The following CD300A variants were observed in gnomAD, a reference collection of about 807,000 sequenced individuals.
CD300A encodes the protein CD300a molecule.
Under a neutral mutation model 33.6 loss-of-function variants are expected in CD300A, and 22 were observed. The ratio of observed to expected loss-of-function variants is 0.66; its 90% CI spans 0.47 to 0.94. The LOEUF (loss-of-function observed/expected upper bound fraction) is 0.94, where lower values mean the gene tolerates loss of function less well. Ranked by LOEUF, CD300A falls within the 40% of genes least tolerant of loss-of-function variation. The pLI is 0.00. For synonymous variants in CD300A, 136 were observed against 148.1 expected, an observed-to-expected ratio of 0.92 and a Z score of 0.59; for missense variants, 326 against 360.5, an observed-to-expected ratio of 0.90 and a Z score of 0.77.
rs575235497 is a variant in CD300A, at chr17:74,480,689, G to A, written c.629-600G>A. ...CCTGGAAACATTTGTGTGAGATCCC[G>A]TGTTGAGAGCTTGTTTTGGTCCCTC... is the stretch of plus-strand genomic sequence containing the variant. On this transcript the variant is annotated intron_variant, in intron 4 of 6. Transcript: ENST00000360141. This position sits in a 1 kb window ranked among gnomAD's most constrained non-coding sequence, Gnocchi z 4.2. Among the ~76,000 whole-genome samples the A allele has an allele frequency of 2.0e-5, 3 of 152,192 alleles. No individual in the cohort carries two copies. The highest frequency in any genetic ancestry group is 2.1e-4 in the South Asian group (1 of 4,800).
chr17:74,468,917 G>A lies in CD300A; in HGVS notation c.40+2174G>A, dbSNP rs183438297. On this transcript the variant is annotated intron_variant, in intron 1 of 6. Coordinates refer to ENST00000360141, the MANE Select transcript of CD300A (RefSeq NM_007261.4). ...AGGCAATCTGCCAGCCTTGGCCTCC[G>A]GCCCCCACAAAATACCATTTTTATT... Among the ~76,000 whole-genome samples the A allele has an allele frequency of 3.5e-4, 54 of 152,168 alleles. No individual in the cohort carries two copies. In the East Asian group the frequency reaches 9.1e-3, roughly 26 times the overall value.
At chr17:74,473,229 T>G (rs1906222557) in intron 1 of CD300A, among the ~76,000 whole-genome samples, 1 of 151,924 alleles carries the variant, frequency 6.6e-6, no homozygotes, top group African/African-American at 2.4e-5. Flanking sequence ...CTGATGGGGC[T>G]GATATGAGGT....
intron 1 of CD300A, among the ~76,000 whole-genome samples, chr17:74,469,298 G>C (rs1905933336): frequency 6.6e-6 from 1 of 151,636 alleles, no homozygotes; most frequent in African/African-American, 2.4e-5. Context: ...TGAGGTGGGA[G>C]GATAGCTTAA....
At chr17:74,476,632 A>G (rs1906479195) in intron 3 of CD300A, among the ~76,000 whole-genome samples, 1 of 152,236 alleles carries the variant, frequency 6.6e-6, no homozygotes. Context: ...CCTCCTGGTC[A>G]ATCTGCTGCT....
At chr17:74,479,881 G>A (rs4788840) in intron 4 of CD300A, among the ~76,000 whole-genome samples, 92,094 of 151,842 alleles carry the variant, frequency 0.61, 31,133 homozygotes, top group African/African-American at 0.9. Flanking sequence ...TCATTCATTC[G>A]TACAACAAAG....
chr17:74,475,735 G>A lies in CD300A; in HGVS notation c.533+1050G>A, dbSNP rs1533899. ...TCCACATCTAAATCAGATCCCACAAGACCGCCCTGATTTAGATGCCAGTCG... is the reference window on the plus strand; with the variant it reads ...TCCACATCTAAATCAGATCCCACAAAACCGCCCTGATTTAGATGCCAGTCG... On this transcript the variant is annotated intron_variant, in intron 3 of 6. Coordinates refer to ENST00000360141, the MANE Select transcript of CD300A (RefSeq NM_007261.4). Among the ~76,000 whole-genome samples, 1,221 of 152,150 alleles carry A rather than the reference G, an allele frequency of 8.0e-3. 9 individuals are homozygous for A. Among genetic ancestry groups the A allele is most frequent in the South Asian group, 0.03 (143 of 4,816 alleles).
At chr17:74,466,465 A>T, upstream of CD300A, 1 of 586,492 alleles carries the variant, frequency 1.7e-6, no homozygotes, top group Non-Finnish European at 3.0e-6. Context: ...ATAGCCGAAG[A>T]ACCTGCAGCC....
intron 4 of CD300A, among the ~76,000 whole-genome samples, chr17:74,481,057 ATCTT>A (rs1906809669): frequency 6.6e-6 from 1 of 152,138 alleles, no homozygotes; most frequent in African/African-American, 2.4e-5. Context: ...CCCAGCTGGA[ATCTT>A]TCTATTTCTC....
rs180762692 is a variant in CD300A, at chr17:74,471,890, G to C, written c.41-1646G>C. 7.9e-5 allele frequency among the ~76,000 whole-genome samples: 12 copies of C among 152,200 alleles called. No individual in the cohort carries two copies. The East Asian group carries it at 1.7e-3, about 22-fold the overall frequency. On this transcript the variant is annotated intron_variant, in intron 1 of 6. Transcript: ENST00000360141. ...GTAGACGTTGAAGGTATAAGAAGGA[G>C]ACCCCTACCAAAGTCTCATGTGTGA...
intron 1 of CD300A, among the ~76,000 whole-genome samples, chr17:74,467,421 G>A (rs1905797933): frequency 6.6e-6 from 1 of 152,148 alleles, no homozygotes; most frequent in African/African-American, 2.4e-5. Context: ...GGACAGAGGG[G>A]ACAGAAAAGG....
chr17:74,481,699 C>A (rs754964640), intron 5 of CD300A, 27 bp from the exon 6 acceptor site: 48 of 1,548,388 alleles, frequency 3.1e-5, no homozygotes, highest in Non-Finnish European at 4.0e-5. Flanking sequence ...TCCGTGGACA[C>A]CCACCTGGGA....
At chr17:74,483,058 T>C (rs1907018480) in intron 6 of CD300A, among the ~76,000 whole-genome samples, 1 of 152,108 alleles carries the variant, frequency 6.6e-6, no homozygotes, top group Non-Finnish European at 1.5e-5. Context: ...CCTGACTCCT[T>C]CCTTGCATGA....
intron 4 of CD300A, among the ~76,000 whole-genome samples, chr17:74,478,311 C>A (rs1906616958): frequency 6.6e-6 from 1 of 152,222 alleles, no homozygotes; most frequent in African/African-American, 2.4e-5. Flanking sequence ...TTGCTGGTGT[C>A]CTCATCTGCC....
chr17:74,474,516 G>A lies in CD300A; in HGVS notation c.380-16G>A, dbSNP rs775301899. 11 of 1,613,512 alleles carry A rather than the reference G, an allele frequency of 6.8e-6. No individual in the cohort carries two copies. Among genetic ancestry groups the A allele is most frequent in the Non-Finnish European group, 6.8e-6 (8 of 1,179,612 alleles). On this transcript the variant is annotated splice_polypyrimidine_tract_variant and intron_variant, in intron 2 of 6. Coordinates refer to ENST00000360141, the MANE Select transcript of CD300A (RefSeq NM_007261.4). ...GAGGACAGCTCCCTGGGTCTGACTT[G>A]TGGTTTTGCCACCAGCATCAACGTC...
chr17:74,482,730 C>CG (rs1237738794), intron 6 of CD300A, among the ~76,000 whole-genome samples: 3 of 133,142 alleles, frequency 2.3e-5, no homozygotes, highest in African/African-American at 6.7e-5. Flanking sequence ...TTCTTTCTTT[C>CG]TTTGGAATCT....
chr17:74,468,250 T>G (rs1905862780), intron 1 of CD300A, among the ~76,000 whole-genome samples: 1 of 152,082 alleles, frequency 6.6e-6, no homozygotes, highest in African/African-American at 2.4e-5. Flanking sequence ...GTCAGGCTGG[T>G]CTCAAACTCC....
intron 4 of CD300A, among the ~76,000 whole-genome samples, chr17:74,479,411 A>G (rs2144531893): frequency 6.7e-6 from 1 of 149,594 alleles, no homozygotes; most frequent in Admixed American, 6.6e-5. Flanking sequence ...CGTCTGGCTA[A>G]TGGTTAAATT....
upstream of CD300A, chr17:74,466,582 A>C (rs1425054783): frequency 2.6e-6 from 3 of 1,164,846 alleles, no homozygotes; most frequent in Non-Finnish European, 3.7e-6. Flanking sequence ...AAAGAAGCTG[A>C]ACAAGGAAGC....
chr17:74,473,954 C>A, intron 2 of CD300A, 80 bp downstream of exon 2: 1 of 1,487,504 alleles, frequency 6.7e-7, no homozygotes, highest in Non-Finnish European at 9.2e-7. Context: ...AGACGTGAAG[C>A]AGACAGTGTG....
Sources: gnomAD v4.1 joint callset for allele counts (sites outside exome capture counted in the v4.1 genomes callset) on GRCh38, gnomAD v4.1.1 for gene constraint, Gnocchi (gnomAD v3.1) non-coding constraint, MANE v1.5 for transcripts, NCBI Gene and HGNC (gene_info 2026-07-23, HGNC 2026-07-21) for gene names.